PAN2: variants seen among roughly 807,000 people sequenced by gnomAD.
PAN2 encodes poly(A) specific ribonuclease subunit PAN2, also known as PAN2-PAN3 deadenylation complex catalytic subunit PAN2.
In PAN2, 68 loss-of-function variants were observed where a neutral mutation model predicts 133.3. That is an observed-to-expected ratio of 0.51 (90% CI 0.42 to 0.62). The LOEUF (loss-of-function observed/expected upper bound fraction) is 0.62. Among genes scored for constraint, PAN2 ranks in the 20% least tolerant of loss-of-function variants. The probability of loss-of-function intolerance (pLI) is 0.00; values close to 1 mark genes in which losing one functional copy is unlikely to be tolerated. For synonymous variants in PAN2, 462 were observed against 544.6 expected (o/e 0.85, Z 2.11); for missense variants, 1,042 against 1,500.5 (o/e 0.69, Z 5.05).
In PAN2 at chr12:56,324,804, A is replaced by T. The variant is rs1158267888; in HGVS notation, c.1600-95T>A. 15 of 1,494,196 alleles carry T rather than the reference A, an allele frequency of 1.0e-5. No homozygotes were observed. In the Admixed American group the frequency reaches 3.1e-4, roughly 31 times the overall value. The allele number at this position is 1,494,196 out of a possible 1,614,324, so 92.6% of individuals were successfully genotyped here. ...TGAGCTGGTGGAGAAAATGTCCCAG[A>T]AGCAGGAGTCCACCGAAGCAGTGAG... On this transcript the variant is annotated intron_variant, in intron 10 of 25. Coordinates refer to ENST00000440411, the MANE Select transcript of PAN2 (RefSeq NM_014871.6).
At position 56,327,434 on chromosome 12, in the gene PAN2, T is replaced by C; in HGVS notation, c.849A>G (p.Val283=). Residue 283 remains valine (V), a synonymous_variant, in exon 6 of 26, where the codon GTA becomes GTG. Coordinates refer to ENST00000440411, the MANE Select transcript of PAN2 (RefSeq NM_014871.6). ...RMMRAITPLQ[V]HVDPAFLRFI... ...AGCGCAAGAAGGCAGGATCCACATG[T>C]ACTTGAAGTGGTGTGATGGCACGCA... The C allele has an allele frequency of 6.2e-7, 1 of 1,614,232 alleles. No homozygotes were observed. Among genetic ancestry groups the C allele is most frequent in the Non-Finnish European group, 8.5e-7 (1 of 1,180,036 alleles).
chr12:56,323,290 A>G lies in PAN2; in HGVS notation c.2345+21T>C, dbSNP rs1393240207. The G allele has an allele frequency of 1.3e-5, 21 of 1,614,110 alleles. No homozygotes were observed. In the Admixed American group the frequency reaches 2.7e-4, roughly 21 times the overall value. On this transcript the variant is annotated intron_variant, in intron 16 of 25. Transcript: ENST00000440411. ...CCACTGGGCAATTCAATCCTTTGAC[A>G]ACTCCCAAGACAGCACCTACCAATC...
At chr12:56,331,671 A>G (rs1387394706) in intron 2 of PAN2, among the ~76,000 whole-genome samples, 2 of 152,096 alleles carry the variant, frequency 1.3e-5, no homozygotes, top group African/African-American at 4.8e-5. Context: ...TTCATGACCA[A>G]AGAAGTCAAT....
Position 56,322,168 on chromosome 12 carries a change from G to A in PAN2, c.2698C>T (p.His900Tyr), listed in dbSNP as rs865921555. ...TTCATGTCAAACTGCACAGCTTCATGCTATAGAAGAGAAAAAGCACTTATG... is the reference window on the plus strand; with the variant it reads ...TTCATGTCAAACTGCACAGCTTCATACTATAGAAGAGAAAAAGCACTTATG... ...NDFLIEPIDK[H>Y]EAVQFDMNWK... The change falls in exon 20 of 26, where the codon CAT becomes TAT. Residue 900 changes from histidine (H) to tyrosine (Y), a missense_variant and splice_region_variant. By Grantham distance (83) the His-to-Tyr change is moderately conservative (BLOSUM62 2). This residue lies in a region of PAN2 where 908 missense variants were observed against 1,223.5 expected (regional missense o/e 0.74). Transcript: ENST00000440411. 1.3e-6 allele frequency: 2 copies of A among 1,584,620 alleles called. No individual in the cohort carries two copies. Among genetic ancestry groups the A allele is most frequent in the Middle Eastern group, 1.7e-4 (1 of 6,006 alleles).
Position 56,318,330 on chromosome 12 carries a change from C to G in PAN2, c.3469G>C (p.Glu1157Gln). Reference protein sequence around the residue: ...LELSKNGTEPESFHKVLKGLY... With the variant: ...LELSKNGTEPQSFHKVLKGLY... Reference sequence around the variant, plus strand: ...CCCTTGAGCACCTTGTGGAAAGACTCAGGCTCAGTGCCATTTTTGCTTAGC... The same window carrying G: ...CCCTTGAGCACCTTGTGGAAAGACTGAGGCTCAGTGCCATTTTTGCTTAGC... Residue 1157 changes from glutamate (E) to glutamine (Q), a missense_variant, in exon 25 of 26, where the codon GAG (glutamate) becomes CAG (glutamine). Around this residue, in one of 3 missense-constraint regions of PAN2, gnomAD observed 85 missense variants for 116.5 expected, o/e 0.73. Transcript: ENST00000440411. The G allele has an allele frequency of 6.2e-7, 1 of 1,614,140 alleles. No homozygotes were observed. Among genetic ancestry groups the G allele is most frequent in the South Asian group, 1.1e-5 (1 of 91,070 alleles).
At chr12:56,331,710 T>TG (rs1555167398) in intron 2 of PAN2, among the ~76,000 whole-genome samples, 193 of 127,070 alleles carry the variant, frequency 1.5e-3, no homozygotes, top group Admixed American at 2.3e-3. Context: ...GTTTTTTTTT[T>TG]TTTTGTTTTT....
In PAN2 at chr12:56,325,324, T is replaced by G; in HGVS notation, c.1479+11A>C. Reference sequence around the variant, plus strand: ...TCCCCACATCCCACAGGCCCTGATGTCCCCCAGCACCTTGCGGTATTTCTT... The same window carrying G: ...TCCCCACATCCCACAGGCCCTGATGGCCCCCAGCACCTTGCGGTATTTCTT... On this transcript the variant is annotated intron_variant, in intron 9 of 25. Transcript: ENST00000440411. 1 of 1,613,764 alleles carries G rather than the reference T, an allele frequency of 6.2e-7. No individual in the cohort carries two copies. The highest frequency in any genetic ancestry group is 1.1e-5 in the South Asian group (1 of 91,008).
At chr12:56,332,200 AAC>A (rs974085978) in intron 2 of PAN2, among the ~76,000 whole-genome samples, 7 of 152,230 alleles carry the variant, frequency 4.6e-5, no homozygotes. Flanking sequence ...AAAAATAGAA[AAC>A]ACAGGTGGGG....
Position 56,324,094 on chromosome 12 carries a change from C to G in PAN2, c.2020G>C (p.Val674Leu), listed in dbSNP as rs754158169. The G allele has an allele frequency of 6.2e-7, 1 of 1,614,164 alleles. No homozygotes were observed. Among genetic ancestry groups the G allele is most frequent in the Non-Finnish European group, 8.5e-7 (1 of 1,180,028 alleles). The change falls in exon 13 of 26, where the codon GTG (valine) becomes CTG (leucine). Residue 674 changes from valine (V) to leucine (L), a missense_variant. Physicochemically the swap from Val to Leu is conservative, Grantham distance 32. Coordinates refer to ENST00000440411, the MANE Select transcript of PAN2 (RefSeq NM_014871.6). ...AAAAGCAGAGTGGATGAGGCTCGCA[C>G]GGTCTCACTGCCACAGCGGCAGAGG... ...CSLCRCGSET[V>L]RASSTLLFTL...
chr12:56,318,133 C>CCCAG (rs1235511733), intron 25 of PAN2, 104 bp downstream of exon 25: 1 of 930,622 alleles, frequency 1.1e-6, no homozygotes, highest in Non-Finnish European at 1.7e-6. Context: ...GCTGTAATCA[C>CCCAG]GCTACTGCAC....
chr12:56,321,561 T>A (rs914486262), intron 20 of PAN2, among the ~76,000 whole-genome samples: 2 of 146,474 alleles, frequency 1.4e-5, no homozygotes, highest in African/African-American at 5.0e-5. Flanking sequence ...AAAAAAAAAA[T>A]TTTTTTAGGC....
In PAN2 at chr12:56,319,025, T is replaced by C. The variant is rs952621001; in HGVS notation, c.3364+63A>G. The C allele has an allele frequency of 9.9e-5, 151 of 1,519,308 alleles. No homozygotes were observed. The highest frequency in any genetic ancestry group is 1.2e-4 in the Non-Finnish European group (130 of 1,094,918). 94.1% of individuals were successfully genotyped at this position (1,519,308 alleles called of 1,614,324 possible). A position where few individuals can be genotyped will look rare whatever the true frequency, so the allele number is the denominator to read the frequency against. On this transcript the variant is annotated intron_variant, in intron 24 of 25. Transcript: ENST00000440411. The surrounding 1 kb of genome is among the most constrained non-coding windows in gnomAD (Gnocchi z 5.4). Reference sequence around the variant, plus strand: ...TGTTGCCGCAAAGAACATGATTTCTTTTTTTTTAAATGGCTGCTTCTGCTA... The same window carrying C: ...TGTTGCCGCAAAGAACATGATTTCTCTTTTTTTAAATGGCTGCTTCTGCTA...
intron 4 of PAN2, 58 bp downstream of exon 4, chr12:56,328,180 C>T: frequency 6.3e-7 from 1 of 1,595,672 alleles, no homozygotes; most frequent in East Asian, 2.2e-5. Flanking sequence ...CCCAAGCATA[C>T]CCTGCCCCCG....
Position 56,317,080 on chromosome 12 carries a change from C to G in PAN2, c.*529G>C, listed in dbSNP as rs1592425335. 2.0e-5 allele frequency: 3 copies of G among 153,004 alleles called. 1 individual carries two copies. In the East Asian group the frequency reaches 5.8e-4, roughly 29 times the overall value. The allele number at this position is 153,004 out of a possible 1,614,324, so 9.5% of individuals were successfully genotyped here. A position where few individuals can be genotyped will look rare whatever the true frequency, so the allele number is the denominator to read the frequency against. On this transcript the variant is annotated 3_prime_UTR_variant, in exon 26 of 26. Coordinates refer to ENST00000440411, the MANE Select transcript of PAN2 (RefSeq NM_014871.6). ...CAGCCATCAGCAGGAATAAATGAAG[C>G]CGGCAGCCAAGCTTTGTCCAGGATC...
At chr12:56,318,124 C>T in intron 25 of PAN2, 113 bp downstream of exon 25, 1 of 859,914 alleles carries the variant, frequency 1.2e-6, no homozygotes, top group Non-Finnish European at 1.9e-6. Context: ...CTGCAGTGAG[C>T]TGTAATCACG....
chr12:56,318,235 A>G lies in PAN2; in HGVS notation c.3562+2T>C. 1.9e-6 allele frequency: 3 copies of G among 1,612,258 alleles called. No homozygotes were observed. The highest frequency in any genetic ancestry group is 2.5e-6 in the Non-Finnish European group (3 of 1,178,582). The stretch of plus-strand genomic sequence containing the variant: ...TTTCCCTTGTCCCATCCCAGGTCTT[A>G]CTCTTGGGACTTGTTTGGCCCTCAG... On this transcript the variant is annotated splice_donor_variant, in intron 25 of 25. Transcript: ENST00000440411. LOFTEE classifies it high-confidence loss of function.
At position 56,324,277 on chromosome 12, in the gene PAN2, C is replaced by T; in HGVS notation, c.1928+17G>A. On this transcript the variant is annotated intron_variant, in intron 12 of 25. Transcript: ENST00000440411. ...CCTGTCATGATGGCTTTAACTATTT[C>T]TATCCTGATTTCATACCTGCCTCCA... is the stretch of plus-strand genomic sequence containing the variant. 6.2e-7 allele frequency: 1 copy of T among 1,612,706 alleles called. No homozygotes were observed. The highest frequency in any genetic ancestry group is 1.6e-4 in the Middle Eastern group (1 of 6,062).
In PAN2 at chr12:56,332,661, C is replaced by T. The variant is rs1876045122; in HGVS notation, c.282+152G>A. The T allele has an allele frequency of 5.7e-6, 4 of 700,088 alleles. No homozygotes were observed. The East Asian group carries it at 7.6e-5, about 13-fold the overall frequency. 43.4% of individuals were successfully genotyped at this position (700,088 alleles called of 1,614,324 possible). ...AAGAATATGTCATTTACTCCTAGAT[C>T]CTAGATTCTCCCTTTATCCCTCCAA... On this transcript the variant is annotated intron_variant, in intron 2 of 25. Coordinates refer to ENST00000440411, the MANE Select transcript of PAN2 (RefSeq NM_014871.6).
intron 7 of PAN2, 40 bp from the exon 8 acceptor site, chr12:56,326,449 T>C: frequency 6.5e-7 from 1 of 1,547,350 alleles, no homozygotes; most frequent in South Asian, 1.2e-5. Context: ...AGAGTTGTGG[T>C]GTACACTGGT....
Sources: gnomAD v4.1 joint callset for allele counts (sites outside exome capture counted in the v4.1 genomes callset) on GRCh38, gnomAD v4.1.1 for gene constraint, gnomAD v4.1.1 regional missense constraint, Gnocchi (gnomAD v3.1) non-coding constraint, MANE v1.5 for transcripts, NCBI Gene and HGNC (gene_info 2026-07-23, HGNC 2026-07-21) for gene names.